The following ABHD12B variants were observed in gnomAD, a reference collection of about 807,000 sequenced individuals.
ABHD12B encodes the protein protein ABHD12B.
Under a neutral mutation model 50.4 loss-of-function variants are expected in ABHD12B, and 42 were observed. That is an observed-to-expected ratio of 0.83 (90% CI 0.65 to 1.08). ABHD12B has a LOEUF of 1.08. Ranked by LOEUF, ABHD12B falls within the 50% of genes least tolerant of loss-of-function variation. The pLI is 0.00. For missense variants in ABHD12B, 479 were observed against 447.7 expected, an observed-to-expected ratio of 1.07 and a Z score of -0.63; for synonymous variants, 167 against 160.3, an observed-to-expected ratio of 1.04 and a Z score of -0.32.
intron 9 of ABHD12B, among the ~76,000 whole-genome samples, chr14:50,895,260 C>G (rs1268556542): frequency 1.3e-5 from 2 of 150,030 alleles, no homozygotes; most frequent in Non-Finnish European, 2.9e-5. Flanking sequence ...TTCCGGCCCT[C>G]AAACCCCACA....
intron 5 of ABHD12B, 125 bp downstream of exon 5, chr14:50,881,751 G>A: frequency 1.7e-6 from 2 of 1,149,020 alleles, no homozygotes; most frequent in Non-Finnish European, 1.3e-6. Flanking sequence ...AGGGTGGGTT[G>A]TGGTGTCTGG....
intron 11 of ABHD12B, among the ~76,000 whole-genome samples, chr14:50,903,823 A>G (rs981895543): frequency 6.6e-6 from 1 of 152,122 alleles, no homozygotes; most frequent in African/African-American, 2.4e-5. Flanking sequence ...GGTCCATAAC[A>G]ATTCCTTGGC....
rs777468877 is a variant in ABHD12B, at chr14:50,881,642, C to A, written c.486+16C>A. On this transcript the variant is annotated intron_variant, in intron 5 of 12. Coordinates refer to ENST00000337334, the MANE Select transcript of ABHD12B (RefSeq NM_001206673.2). ...GCTGGTAAAGGTATGTCTGAAGAGGCCTCAAAGCACCCATTTCATAAGTCT... is the reference window on the plus strand; with the variant it reads ...GCTGGTAAAGGTATGTCTGAAGAGGACTCAAAGCACCCATTTCATAAGTCT... 28 of 1,610,626 alleles carry A rather than the reference C, an allele frequency of 1.7e-5. No individual in the cohort carries two copies. The Admixed American group carries it at 4.7e-4, about 27-fold the overall frequency.
intron 5 of ABHD12B, among the ~76,000 whole-genome samples, chr14:50,882,373 C>CTTT (rs386381352): frequency 0.66 from 54,181 of 81,670 alleles, 19,720 homozygotes; most frequent in South Asian, 0.78. Flanking sequence ...AGAATGTCTG[C>CTTT]TTTTTTTTTT....
chr14:50,904,603 C>T lies in ABHD12B; in HGVS notation c.*237C>T, dbSNP rs1267666669. ...ATGCTGAAACCTCACTGTGGAGAAC[C>T]AGAATTTGGTAAAATCTAGATCCTA... On this transcript the variant is annotated 3_prime_UTR_variant, in exon 13 of 13. Coordinates refer to ENST00000337334, the MANE Select transcript of ABHD12B (RefSeq NM_001206673.2). The T allele has an allele frequency of 5.8e-5, 34 of 582,058 alleles. No individual in the cohort carries two copies. The East Asian group carries it at 9.1e-4, about 16-fold the overall frequency. 36.1% of individuals were successfully genotyped at this position (582,058 alleles called of 1,614,324 possible).
chr14:50,889,563 G>A (rs757353995), intron 9 of ABHD12B, among the ~76,000 whole-genome samples: 19 of 152,150 alleles, frequency 1.2e-4, no homozygotes, highest in Non-Finnish European at 2.2e-4. Context: ...GCTTGAACCC[G>A]GGAGGCAGAG....
chr14:50,875,461 C>T (rs2049848171), intron 1 of ABHD12B, among the ~76,000 whole-genome samples: 1 of 152,250 alleles, frequency 6.6e-6, no homozygotes, highest in Admixed American at 6.5e-5. Context: ...TCAGACTCCA[C>T]CAGCTTTCAC....
Position 50,895,938 on chromosome 14 carries a change from T to C in ABHD12B, c.781-5891T>C, listed in dbSNP as rs559309981. Reference sequence around the variant, plus strand: ...CACCTGCCCAGTTCCCGTATTAGGCTGAGACACTTTAACTAAATTATCTGC... The same window carrying C: ...CACCTGCCCAGTTCCCGTATTAGGCCGAGACACTTTAACTAAATTATCTGC... On this transcript the variant is annotated intron_variant, in intron 9 of 12. Transcript: ENST00000337334. Among the ~76,000 whole-genome samples, 199 of 152,174 alleles carry C rather than the reference T, an allele frequency of 1.3e-3. 2 individuals are homozygous for C. In the Middle Eastern group the frequency reaches 0.024, roughly 18 times the overall value.
At chr14:50,872,963 C>T (rs957264773) in intron 1 of ABHD12B, among the ~76,000 whole-genome samples, 1 of 152,138 alleles carries the variant, frequency 6.6e-6, no homozygotes. Context: ...TACCTGAATC[C>T]ACCTGCAACA....
chr14:50,873,344 G>A (rs1224732375), intron 1 of ABHD12B, among the ~76,000 whole-genome samples: 1 of 152,062 alleles, frequency 6.6e-6, no homozygotes, highest in African/African-American at 2.4e-5. Context: ...CCCAGTAGCT[G>A]GGACTACAGG....
chr14:50,895,540 C>G, intron 9 of ABHD12B: 1 of 152,154 alleles, frequency 6.6e-6, no homozygotes. Context: ...CACTGAAAAT[C>G]GGACTGTTCA....
chr14:50,891,528 C>A (rs745839494), intron 9 of ABHD12B: 5 of 152,224 alleles, frequency 3.3e-5, no homozygotes, highest in Non-Finnish European at 5.9e-5. Flanking sequence ...CAGGCGTGAG[C>A]CACCGCGCCC....
At chr14:50,896,948 TA>T (rs1449753868) in intron 9 of ABHD12B, among the ~76,000 whole-genome samples, 1 of 152,228 alleles carries the variant, frequency 6.6e-6, no homozygotes, top group Non-Finnish European at 1.5e-5. Context: ...AGAGGATTAT[TA>T]AAGTACCTCA....
rs535916013 is a variant in ABHD12B at position 50,899,817 on chromosome 14, G to T, written c.781-2012G>T. 1.6e-4 allele frequency among the ~76,000 whole-genome samples: 25 copies of T among 152,086 alleles called. 2 individuals carry two copies. The South Asian group carries it at 5.2e-3, about 32-fold the overall frequency. On this transcript the variant is annotated intron_variant, in intron 9 of 12. Coordinates refer to ENST00000337334, the MANE Select transcript of ABHD12B (RefSeq NM_001206673.2). ...CATGCCTGTAGTCCCAGCTACTTGGGTGGCTGAGGCAGGAGAATTGCTTGA... is the reference window on the plus strand; with the variant it reads ...CATGCCTGTAGTCCCAGCTACTTGGTTGGCTGAGGCAGGAGAATTGCTTGA...
intron 1 of ABHD12B, among the ~76,000 whole-genome samples, chr14:50,874,121 T>C (rs2049825889): frequency 6.6e-6 from 1 of 152,218 alleles, no homozygotes; most frequent in South Asian, 2.1e-4. Context: ...ATCATGGCAC[T>C]GGAACTAGTG....
Position 50,904,396 on chromosome 14 carries a change from G to T in ABHD12B, c.*30G>T. ...GGGAGGAGTGGAAATCTTCAATGAA[G>T]ACTTGGCCCAAACACCACCTGTGAT... On this transcript the variant is annotated 3_prime_UTR_variant, in exon 13 of 13. Transcript: ENST00000337334. 2 of 1,613,644 alleles carry T rather than the reference G, an allele frequency of 1.2e-6. No individual in the cohort carries two copies. The highest frequency in any genetic ancestry group is 2.2e-5 in the South Asian group (2 of 91,082).
intron 8 of ABHD12B, among the ~76,000 whole-genome samples, chr14:50,887,725 T>C (rs1001964991): frequency 2.0e-5 from 3 of 152,190 alleles, no homozygotes; most frequent in African/African-American, 7.2e-5. Flanking sequence ...TAATTAGAGA[T>C]TGAGCTGATC....
chr14:50,901,857 G>C lies in ABHD12B; in HGVS notation c.809G>C (p.Arg270Pro), dbSNP rs528682615. 15 of 1,589,922 alleles carry C rather than the reference G, an allele frequency of 9.4e-6. No individual in the cohort carries two copies. The highest frequency in any genetic ancestry group is 1.4e-5 in the African/African-American group (1 of 73,524). ...KIYRNIPGFL[R>P]TLMDALRKDK... ...TACCGGAACATTCCAGGATTTTTAC[G>C]TACACTTATGGATGCCCTGAGAAAA... The change falls in exon 10 of 13, where the codon CGT becomes CCT. Residue 270 changes from arginine (R) to proline (P), a missense_variant. Physicochemically the swap from Arg to Pro is moderately radical, Grantham distance 103 (BLOSUM62 -2). Coordinates refer to ENST00000337334, the MANE Select transcript of ABHD12B (RefSeq NM_001206673.2).
intron 10 of ABHD12B, among the ~76,000 whole-genome samples, chr14:50,902,351 G>T (rs1471916012): frequency 6.6e-6 from 1 of 152,084 alleles, no homozygotes; most frequent in Non-Finnish European, 1.5e-5. Flanking sequence ...AGGCGTGGGG[G>T]CACGTGCCTG....
Sources: allele counts gnomAD v4.1 joint callset (sites outside exome capture counted in the v4.1 genomes callset), GRCh38; gene constraint gnomAD v4.1.1; transcripts MANE v1.5; gene names NCBI Gene and HGNC (gene_info 2026-07-23, HGNC 2026-07-21).